CREB5: variants seen among roughly 807,000 people sequenced by gnomAD.
CREB5 encodes the protein cAMP responsive element binding protein 5.
Under a neutral mutation model 57.1 loss-of-function variants are expected in CREB5, and 19 were observed. The observed-to-expected ratio is 0.33, with a 90% CI of 0.23 to 0.49. CREB5 has a LOEUF of 0.49. Ranked by LOEUF, CREB5 falls within the 20% of genes least tolerant of loss-of-function variation. The pLI is 0.99. For missense variants in CREB5, 579 were observed against 671.6 expected (o/e 0.86, Z 1.52); for synonymous variants, 238 against 238.3 (o/e 1.00, Z 0.01).
intron 7 of CREB5, among the ~76,000 whole-genome samples, chr7:28,762,781 T>A (rs931891149): frequency 6.6e-6 from 1 of 152,104 alleles, no homozygotes; most frequent in South Asian, 2.1e-4. Flanking sequence ...CGATACAATA[T>A]GAAACTGAGA....
intron 7 of CREB5, among the ~76,000 whole-genome samples, chr7:28,799,251 T>C (rs1808230285): frequency 6.6e-6 from 1 of 152,218 alleles, no homozygotes; most frequent in Non-Finnish European, 1.5e-5. Flanking sequence ...CCTATCATTT[T>C]CTGAGGGGTG....
chr7:28,348,379 C>G (rs183922062), intron 1 of CREB5, among the ~76,000 whole-genome samples: 3,897 of 74,242 alleles, frequency 0.052, 106 homozygotes, highest in Admixed American at 0.14. Context: ...TTCTCTCTCT[C>G]TCTGTCTCTC....
intron 2 of CREB5, chr7:28,491,202 A>G (rs554139983): frequency 2.0e-6 from 2 of 985,444 alleles, no homozygotes; most frequent in East Asian, 2.3e-4. Flanking sequence ...CAGTTTTTTT[A>G]AAAATTAAAG....
chr7:28,695,087 C>T (rs920154174), intron 5 of CREB5, among the ~76,000 whole-genome samples: 6 of 152,086 alleles, frequency 3.9e-5, no homozygotes, highest in East Asian at 1.9e-4. Flanking sequence ...ATTAGCCGGG[C>T]ATGGTATCAT....
intron 1 of CREB5, among the ~76,000 whole-genome samples, chr7:28,456,706 C>A (rs1336163117): frequency 6.6e-6 from 1 of 152,212 alleles, no homozygotes; most frequent in Non-Finnish European, 1.5e-5. Flanking sequence ...GTTGCTTTCA[C>A]TGGGGCAGGT....
intron 1 of CREB5, among the ~76,000 whole-genome samples, chr7:28,321,323 G>A (rs929956597): frequency 7.3e-5 from 11 of 151,578 alleles, no homozygotes; most frequent in Non-Finnish European, 1.3e-4. Flanking sequence ...TTGTACATGC[G>A]AAATGGCCAG....
At chr7:28,468,458 CA>C (rs1790679420) in intron 1 of CREB5, among the ~76,000 whole-genome samples, 1 of 152,210 alleles carries the variant, frequency 6.6e-6, no homozygotes, top group South Asian at 2.1e-4. Flanking sequence ...GGACCAGAGA[CA>C]TGGAACGTGG....
chr7:28,327,849 G>A (rs555207665), intron 1 of CREB5, among the ~76,000 whole-genome samples: 119 of 152,318 alleles, frequency 7.8e-4, no homozygotes, highest in African/African-American at 2.8e-3. Context: ...TGGCAGATAA[G>A]ATGGCTTCTT....
intron 1 of CREB5, among the ~76,000 whole-genome samples, chr7:28,387,293 C>A (rs1466967988): frequency 6.6e-6 from 1 of 152,078 alleles, no homozygotes; most frequent in Non-Finnish European, 1.5e-5. Context: ...GATGGTATCT[C>A]ATTGGGGTTT....
intron 1 of CREB5, among the ~76,000 whole-genome samples, chr7:28,322,094 T>C (rs1785504534): frequency 6.6e-6 from 1 of 152,182 alleles, no homozygotes; most frequent in African/African-American, 2.4e-5. Flanking sequence ...CCCAGAGATG[T>C]AGTAAAAAAG....
intron 5 of CREB5, among the ~76,000 whole-genome samples, chr7:28,673,657 CTTTTTTTTTT>C (rs549391329): frequency 2.7e-3 from 152 of 55,782 alleles, no homozygotes; most frequent in African/African-American, 9.6e-3. Context: ...CTCTCTCTCT[CTTTTTTTTTT>C]TTTTTTTTTT....
chr7:28,803,009 G>A (rs927410330), intron 7 of CREB5, among the ~76,000 whole-genome samples: 1 of 152,228 alleles, frequency 6.6e-6, no homozygotes, highest in Non-Finnish European at 1.5e-5. Flanking sequence ...GAGTTGAGTA[G>A]TTGTGACACA....
In CREB5 at chr7:28,560,891, T is replaced by TGCGTGTGTGTGTGC. The variant is rs1314317818; in HGVS notation, c.292-9473_292-9472insCGTGTGTGTGTGCG. On this transcript the variant is annotated intron_variant, in intron 4 of 10. Coordinates refer to ENST00000357727, the MANE Select transcript of CREB5 (RefSeq NM_182898.4). ...CTGCGTGCGCGTGCGTGCGTGCGTG[T>TGCGTGTGTGTGTGC]GTGTGCGTGCGCGCGTGCGTGTGCG... Among the ~76,000 whole-genome samples the TGCGTGTGTGTGTGC allele has an allele frequency of 6.6e-4, 13 of 19,726 alleles. 3 individuals carry two copies. Among genetic ancestry groups the TGCGTGTGTGTGTGC allele is most frequent in the Admixed American group, 1.6e-3 (3 of 1,898 alleles). The allele number at this position is 19,726 out of a possible 152,430, so 12.9% of individuals were successfully genotyped here. A position where few individuals can be genotyped will look rare whatever the true frequency, so the allele number is the denominator to read the frequency against.
At chr7:28,720,085 T>C (rs576360118) in intron 6 of CREB5, among the ~76,000 whole-genome samples, 2 of 152,146 alleles carry the variant, frequency 1.3e-5, no homozygotes, top group East Asian at 3.9e-4. Context: ...AAAATAATAA[T>C]AGATAAACAT....
intron 2 of CREB5, among the ~76,000 whole-genome samples, chr7:28,488,946 T>C (rs1026264162): frequency 1.3e-5 from 2 of 152,230 alleles, no homozygotes; most frequent in African/African-American, 2.4e-5. Flanking sequence ...ATTATTATAT[T>C]GGAATCTATC....
chr7:28,627,837 T>A (rs1427317748), intron 5 of CREB5, among the ~76,000 whole-genome samples: 1 of 152,176 alleles, frequency 6.6e-6, no homozygotes, highest in Non-Finnish European at 1.5e-5. Context: ...GCTGTTGTAC[T>A]GAGTGTTCAG....
intron 5 of CREB5, among the ~76,000 whole-genome samples, chr7:28,585,875 G>A (rs61185322): frequency 0.042 from 6,377 of 152,212 alleles, 486 homozygotes; most frequent in African/African-American, 0.15. Flanking sequence ...CTAGGTTAAC[G>A]ATTACTTGAA....
upstream of CREB5, chr7:28,410,100 G>C: frequency 2.6e-6 from 1 of 388,670 alleles, no homozygotes; most frequent in South Asian, 1.9e-5. Context: ...CGCTCTCCCC[G>C]GTGCGGAGCT....
chr7:28,399,665 C>T (rs1170375913), intron 1 of CREB5, among the ~76,000 whole-genome samples: 2 of 152,152 alleles, frequency 1.3e-5, no homozygotes, highest in Admixed American at 6.5e-5. Flanking sequence ...CCTATAATCC[C>T]AGCACTTTTG....
Sources: gnomAD v4.1 joint callset for allele counts (sites outside exome capture counted in the v4.1 genomes callset) on GRCh38, gnomAD v4.1.1 for gene constraint, MANE v1.5 for transcripts, NCBI Gene and HGNC (gene_info 2026-07-23, HGNC 2026-07-21) for gene names.